KATNIP: variants seen among roughly 807,000 people sequenced by gnomAD.
The protein encoded by KATNIP is katanin interacting protein.
Under a neutral mutation model 174.0 loss-of-function variants are expected in KATNIP, and 126 were observed. The observed-to-expected ratio is 0.72, with a 90% CI of 0.63 to 0.84. The LOEUF (loss-of-function observed/expected upper bound fraction) is 0.84, where lower values mean the gene tolerates loss of function less well. Among genes scored for constraint, KATNIP ranks in the 40% least tolerant of loss-of-function variants. The probability of loss-of-function intolerance (pLI) is 0.00; values close to 1 mark genes in which losing one functional copy is unlikely to be tolerated. For missense variants in KATNIP, 1,958 were observed against 2,109.7 expected (o/e 0.93, Z 1.41); for synonymous variants, 810 against 835.7 (o/e 0.97, Z 0.53).
chr16:27,639,740 CTTCT>C (rs1567238962), intron 5 of KATNIP, among the ~76,000 whole-genome samples: 1 of 152,192 alleles, frequency 6.6e-6, no homozygotes, highest in African/African-American at 2.4e-5. Flanking sequence ...TGTTATCTTC[CTTCT>C]GAGTTCTGAA....
At chr16:27,714,464 A>G (rs1297528372) in intron 13 of KATNIP, among the ~76,000 whole-genome samples, 1 of 152,164 alleles carries the variant, frequency 6.6e-6, no homozygotes, top group Non-Finnish European at 1.5e-5. Context: ...TTATAGACTC[A>G]CAGGAATTTG....
At chr16:27,570,271 T>G (rs1397843153) in intron 1 of KATNIP, among the ~76,000 whole-genome samples, 1 of 152,036 alleles carries the variant, frequency 6.6e-6, no homozygotes, top group African/African-American at 2.4e-5. Context: ...CAGTTTTCCC[T>G]TACAGGAGTG....
At chr16:27,628,980 C>T (rs770302181) in intron 4 of KATNIP, 150 bp downstream of exon 4, 6 of 742,786 alleles carry the variant, frequency 8.1e-6, no homozygotes, top group Non-Finnish European at 1.3e-5. Flanking sequence ...CCAGCCTGGG[C>T]AACATGGTGA....
At chr16:27,664,386 T>TA (rs1295652477) in intron 6 of KATNIP, among the ~76,000 whole-genome samples, 1 of 152,226 alleles carries the variant, frequency 6.6e-6, no homozygotes, top group African/African-American at 2.4e-5. Context: ...ATATATCTGT[T>TA]AAATCACACA....
intron 2 of KATNIP, among the ~76,000 whole-genome samples, chr16:27,607,428 A>G (rs1725572964): frequency 6.6e-6 from 1 of 152,086 alleles, no homozygotes; most frequent in Admixed American, 6.6e-5. Flanking sequence ...CAGCACTGAT[A>G]AACAGCAGTA....
At chr16:27,627,141 C>T (rs542473129) in intron 3 of KATNIP, among the ~76,000 whole-genome samples, 2 of 152,296 alleles carry the variant, frequency 1.3e-5, no homozygotes, top group Admixed American at 6.5e-5. Context: ...CAGACACGTG[C>T]AGAGAGGCAA....
At chr16:27,640,890 C>A (rs1307592721) in intron 5 of KATNIP, among the ~76,000 whole-genome samples, 1 of 152,008 alleles carries the variant, frequency 6.6e-6, no homozygotes, top group African/African-American at 2.4e-5. Flanking sequence ...AATCCCAGCA[C>A]TTTGGGGGGC....
chr16:27,679,984 TC>T (rs1476639716), intron 7 of KATNIP, among the ~76,000 whole-genome samples: 3 of 152,086 alleles, frequency 2.0e-5, no homozygotes, highest in African/African-American at 7.2e-5. Flanking sequence ...CAGACCGCAC[TC>T]AGAAGTTGCT....
chr16:27,608,430 A>G (rs1322901309), intron 2 of KATNIP, among the ~76,000 whole-genome samples: 1 of 80,900 alleles, frequency 1.2e-5, no homozygotes, highest in Non-Finnish European at 2.3e-5. Flanking sequence ...GTATTTTTGT[A>G]GAGATGGGGT....
At chr16:27,671,724 A>T (rs1224719449) in intron 6 of KATNIP, among the ~76,000 whole-genome samples, 1 of 152,092 alleles carries the variant, frequency 6.6e-6, no homozygotes, top group African/African-American at 2.4e-5. Context: ...CACCTCCTAA[A>T]ATCCACTTGG....
chr16:27,621,264 T>C (rs906125438), intron 3 of KATNIP, among the ~76,000 whole-genome samples: 11 of 151,958 alleles, frequency 7.2e-5, no homozygotes, highest in African/African-American at 2.7e-4. Flanking sequence ...GGCTGGGTGA[T>C]AGAGTGAGAC....
In KATNIP at chr16:27,634,465, G is replaced by A. The variant is rs1395511730; in HGVS notation, c.408+3303G>A. On this transcript the variant is annotated intron_variant, in intron 5 of 27. Transcript: ENST00000261588. ...CTTAGCCTGGGCCTGCCAGGAGAGC[G>A]GCTGCCTAGGACACCATTGGGAAGG... Among the ~76,000 whole-genome samples the A allele has an allele frequency of 2.0e-5, 3 of 152,186 alleles. No homozygotes were observed. The East Asian group carries it at 5.8e-4, about 29-fold the overall frequency.
rs1382590988 is a variant in KATNIP at position 27,565,465 on chromosome 16, C to CA, written c.8-8421dup. Among the ~76,000 whole-genome samples, 404 of 71,950 alleles carry CA rather than the reference C, an allele frequency of 5.6e-3. 2 individuals carry two copies. The highest frequency in any genetic ancestry group is 0.011 in the Middle Eastern group (1 of 92). The allele number at this position is 71,950 out of a possible 152,430, so 47.2% of individuals were successfully genotyped here. Reference sequence around the variant, plus strand: ...TGGGCGACAGAGTGAGACTCTGTCTCAAAAAAAAAAAAAAAGGAAAGAAAA... The same window carrying CA: ...TGGGCGACAGAGTGAGACTCTGTCTCAAAAAAAAAAAAAAAAGGAAAGAAAA... On this transcript the variant is annotated intron_variant, in intron 1 of 27. Coordinates refer to ENST00000261588, the MANE Select transcript of KATNIP (RefSeq NM_015202.5).
chr16:27,761,591 G>GT lies in KATNIP; in HGVS notation c.3809+2dup. The GT allele has an allele frequency of 6.2e-7, 1 of 1,611,970 alleles. No individual in the cohort carries two copies. Among genetic ancestry groups the GT allele is most frequent in the Non-Finnish European group, 8.5e-7 (1 of 1,178,358 alleles). On this transcript the variant is annotated splice_donor_variant, in intron 19 of 27. Transcript: ENST00000261588. LOFTEE classifies it high-confidence loss of function. ...CTGACGACTCCCGGGCCCTGGACAA[G>GT]TAAGTGTCTATCAGAAGCTTTACTT...
chr16:27,766,295 C>T lies in KATNIP; in HGVS notation c.3810-14C>T, dbSNP rs774707842. 6.2e-7 allele frequency: 1 copy of T among 1,613,632 alleles called. No homozygotes were observed. Among genetic ancestry groups the T allele is most frequent in the South Asian group, 1.1e-5 (1 of 91,040 alleles). On this transcript the variant is annotated splice_polypyrimidine_tract_variant and intron_variant, in intron 19 of 27. Coordinates refer to ENST00000261588, the MANE Select transcript of KATNIP (RefSeq NM_015202.5). ...CTGAGCCGCCCCCCTGCCGCTCCGTCCCCATTGCTGCAGGTTAATTGATGG... is the reference window on the plus strand; with the variant it reads ...CTGAGCCGCCCCCCTGCCGCTCCGTTCCCATTGCTGCAGGTTAATTGATGG...
Position 27,712,904 on chromosome 16 carries a change from C to G in KATNIP, c.1605+3984C>G, listed in dbSNP as rs61309042. 9.6e-3 allele frequency among the ~76,000 whole-genome samples: 1,466 copies of G among 152,216 alleles called. 19 individuals are homozygous for G. Among genetic ancestry groups the G allele is most frequent in the African/African-American group, 0.033 (1,381 of 41,504 alleles). On this transcript the variant is annotated intron_variant, in intron 13 of 27. Coordinates refer to ENST00000261588, the MANE Select transcript of KATNIP (RefSeq NM_015202.5). ...CACTGCAGCCTCGACCTCCTGGGCT[C>G]AAGCCACCCCCCAACCTCAGCCTCT...
Position 27,629,035 on chromosome 16 carries a change from G to A in KATNIP, c.310+205G>A, listed in dbSNP as rs376978626. ...ATACGAAAATTAGCCAGGCATGATG[G>A]CATGCACCTGTAGTCCCAGCTACTG... On this transcript the variant is annotated intron_variant, in intron 4 of 27. Coordinates refer to ENST00000261588, the MANE Select transcript of KATNIP (RefSeq NM_015202.5). 9.2e-5 allele frequency among the ~76,000 whole-genome samples: 14 copies of A among 152,094 alleles called. No individual in the cohort carries two copies. The East Asian group carries it at 1.7e-3, about 19-fold the overall frequency.
intron 23 of KATNIP, 100 bp downstream of exon 23, chr16:27,773,309 T>G: frequency 5.2e-6 from 4 of 774,782 alleles, no homozygotes; most frequent in Non-Finnish European, 8.2e-6. Context: ...GAAATGGCCC[T>G]CTAGGAACCA....
chr16:27,657,198 T>G (rs979585314), intron 6 of KATNIP, among the ~76,000 whole-genome samples: 2 of 151,786 alleles, frequency 1.3e-5, no homozygotes. Flanking sequence ...CATAAATGGG[T>G]CAGGATCAAG....
Sources: gnomAD v4.1 joint callset for allele counts (sites outside exome capture counted in the v4.1 genomes callset) on GRCh38, gnomAD v4.1.1 for gene constraint, MANE v1.5 for transcripts, NCBI Gene and HGNC (gene_info 2026-07-23, HGNC 2026-07-21) for gene names.